Variants in GALNT2 observed in about 807,000 individuals in gnomAD.
GALNT2 encodes the protein UDP-GalNAc:polypeptide N-acetylgalactosaminyltransferase 2.
In GALNT2, 31 loss-of-function variants were observed where a neutral mutation model predicts 81.4. The ratio of observed to expected loss-of-function variants is 0.38; its 90% confidence interval spans 0.29 to 0.51. The LOEUF is 0.51. GALNT2 is among the 20% of genes least tolerant of loss of function. GALNT2 has a pLI of 0.87. For missense variants in GALNT2, 629 were observed against 765.7 expected (o/e 0.82, Z 2.11); for synonymous variants, 303 against 287.4 (o/e 1.05, Z -0.55).
At position 230,271,265 on chromosome 1, in the gene GALNT2, A is replaced by G. The variant is rs186933595; in HGVS notation, c.1441-3180A>G. On this transcript the variant is annotated intron_variant, in intron 14 of 15. Transcript: ENST00000366672. The surrounding 1 kb of genome is among the most constrained non-coding windows in gnomAD (Gnocchi z 4.2). Reference sequence around the variant, plus strand: ...CGCCATCTGCCTATGGGAAACACACACGGCTTCCTCTCTACACTCCACACC... The same window carrying G: ...CGCCATCTGCCTATGGGAAACACACGCGGCTTCCTCTCTACACTCCACACC... Among the ~76,000 whole-genome samples the G allele has an allele frequency of 2.0e-5, 3 of 152,088 alleles. No individual in the cohort carries two copies. The highest frequency in any genetic ancestry group is 4.4e-5 in the Non-Finnish European group (3 of 68,000).
chr1:230,167,800 T>A (rs896316828), intron 1 of GALNT2, among the ~76,000 whole-genome samples: 1 of 152,164 alleles, frequency 6.6e-6, no homozygotes, highest in Non-Finnish European at 1.5e-5. Flanking sequence ...CTGCGGCTGC[T>A]CCACTGTGGC....
intron 6 of GALNT2, among the ~76,000 whole-genome samples, chr1:230,242,215 G>T (rs889388019): frequency 6.6e-6 from 1 of 152,188 alleles, no homozygotes; most frequent in African/African-American, 2.4e-5. Flanking sequence ...TCTAGTTTCT[G>T]TCTGCTTCTG....
intron 1 of GALNT2, among the ~76,000 whole-genome samples, chr1:230,150,289 G>A (rs1244845440): frequency 6.6e-6 from 1 of 152,320 alleles, no homozygotes. Flanking sequence ...GGAAGCCTGA[G>A]ATGTAACACT....
rs114006661 is a variant in GALNT2 at position 230,277,540 on chromosome 1, C to G, written c.1561-1763C>G. Among the ~76,000 whole-genome samples the G allele has an allele frequency of 2.4e-3, 365 of 152,264 alleles. 3 individuals carry two copies. The highest frequency in any genetic ancestry group is 8.1e-3 in the African/African-American group (338 of 41,544). ...CAGCATGAGGGGTGATTGACAGCAA[C>G]GAGGGAGCTGGAAATGAAAGAGGCA... is the stretch of plus-strand genomic sequence containing the variant. On this transcript the variant is annotated intron_variant, in intron 15 of 15. Coordinates refer to ENST00000366672, the MANE Select transcript of GALNT2 (RefSeq NM_004481.5).
intron 2 of GALNT2, among the ~76,000 whole-genome samples, chr1:230,183,963 CA>C (rs756577955): frequency 3.7e-4 from 55 of 150,666 alleles, no homozygotes; most frequent in South Asian, 1.7e-3. Context: ...GGTGACAGAG[CA>C]AGACTACAAC....
chr1:230,102,978 C>T (rs1238733777), intron 1 of GALNT2, among the ~76,000 whole-genome samples: 1 of 152,176 alleles, frequency 6.6e-6, no homozygotes, highest in Non-Finnish European at 1.5e-5. Context: ...TGACATTTTA[C>T]TCACTGAGGC....
intron 1 of GALNT2, among the ~76,000 whole-genome samples, chr1:230,169,185 C>T (rs1662710105): frequency 6.6e-6 from 1 of 152,090 alleles, no homozygotes; most frequent in Non-Finnish European, 1.5e-5. Flanking sequence ...AGTTTAGTAC[C>T]CCTGAATAGT....
intron 3 of GALNT2, among the ~76,000 whole-genome samples, chr1:230,212,730 A>G (rs946880937): frequency 6.6e-6 from 1 of 152,240 alleles, no homozygotes; most frequent in Non-Finnish European, 1.5e-5. Context: ...CACCAAAGCC[A>G]TGTCATTATT....
At chr1:230,088,536 GTT>G (rs769354458) in intron 1 of GALNT2, among the ~76,000 whole-genome samples, 1 of 141,600 alleles carries the variant, frequency 7.1e-6, no homozygotes, top group Non-Finnish European at 1.6e-5. Context: ...CTTCTGTCTA[GTT>G]TTTTTTTTTT....
At chr1:230,262,290 G>A in intron 11 of GALNT2, 1 of 395,442 alleles carries the variant, frequency 2.5e-6, no homozygotes, top group Non-Finnish European at 4.5e-6. Flanking sequence ...TAAAATATTG[G>A]CTCGTGCTGT....
At chr1:230,183,174 T>C (rs1663214209) in intron 2 of GALNT2, among the ~76,000 whole-genome samples, 1 of 152,222 alleles carries the variant, frequency 6.6e-6, no homozygotes, top group South Asian at 2.1e-4. Flanking sequence ...GTTTTATTTA[T>C]AGTGGATTTG....
chr1:230,215,168 G>A (rs1200983457), intron 3 of GALNT2, among the ~76,000 whole-genome samples: 1 of 152,158 alleles, frequency 6.6e-6, no homozygotes, highest in Non-Finnish European at 1.5e-5. Flanking sequence ...TGTGGGATTC[G>A]ACCTGGAAGT....
intron 15 of GALNT2, among the ~76,000 whole-genome samples, chr1:230,278,606 C>G (rs957260219): frequency 6.6e-6 from 1 of 152,112 alleles, no homozygotes; most frequent in Non-Finnish European, 1.5e-5. Flanking sequence ...GCGGCATGTT[C>G]AGAACTCAGC....
chr1:230,067,242 G>T lies in GALNT2; in HGVS notation c.-39G>T. 1.6e-6 allele frequency: 2 copies of T among 1,240,688 alleles called. No homozygotes were observed. The highest frequency in any genetic ancestry group is 3.7e-5 in the East Asian group (1 of 27,326). The allele number at this position is 1,240,688 out of a possible 1,614,324, so 76.9% of individuals were successfully genotyped here. ...CCCGCGGCCGGCCCAGGCAGCACTCGCGAGCAGCGGCGGCCCCGCCGGCGG... is the reference window on the plus strand; with the variant it reads ...CCCGCGGCCGGCCCAGGCAGCACTCTCGAGCAGCGGCGGCCCCGCCGGCGG... On this transcript the variant is annotated 5_prime_UTR_variant, in exon 1 of 16. Transcript: ENST00000366672.
At chr1:230,067,085 C>T (rs1303186650), upstream of GALNT2, 1 of 156,644 alleles carries the variant, frequency 6.4e-6, no homozygotes, top group African/African-American at 2.4e-5. Context: ...TCTGGTGCCG[C>T]GCGGCGCCGC....
rs78166680 is a variant in GALNT2, at chr1:230,071,550, G to T, written c.126+4144G>T. On this transcript the variant is annotated intron_variant, in intron 1 of 15. Transcript: ENST00000366672. ...GCCCCTCTTGTTAGAAGGGCAGGTC[G>T]CTGTGATCCCTGGAAGCATGCATGA... Among the ~76,000 whole-genome samples, 903 of 152,238 alleles carry T rather than the reference G, an allele frequency of 5.9e-3. 23 individuals carry two copies. The highest frequency in any genetic ancestry group is 0.042 in the Admixed American group (650 of 15,298).
intron 1 of GALNT2, among the ~76,000 whole-genome samples, chr1:230,082,627 CCAGGAGAGGGAGGCA>C (rs1659769916): frequency 6.6e-6 from 1 of 152,184 alleles, no homozygotes; most frequent in African/African-American, 2.4e-5. Context: ...GTAGTGGCTG[CCAGGAGAGGGAGGCA>C]CACATATAAA....
chr1:230,137,208 C>T (rs1187323069), intron 1 of GALNT2, among the ~76,000 whole-genome samples: 2 of 152,244 alleles, frequency 1.3e-5, no homozygotes, highest in African/African-American at 4.8e-5. Context: ...GGGAGGCACA[C>T]ATGCTTCATA....
At chr1:230,244,439 C>T (rs1031388963) in intron 7 of GALNT2, among the ~76,000 whole-genome samples, 5 of 152,054 alleles carry the variant, frequency 3.3e-5, no homozygotes, top group Admixed American at 1.3e-4. Context: ...CATGTGCATA[C>T]AGCTATATCC....
Sources: allele counts gnomAD v4.1 joint callset (sites outside exome capture counted in the v4.1 genomes callset), GRCh38; gene constraint gnomAD v4.1.1; non-coding constraint Gnocchi (gnomAD v3.1); transcripts MANE v1.5; gene names NCBI Gene and HGNC (gene_info 2026-07-23, HGNC 2026-07-21).